CCNY: variants seen among roughly 807,000 people sequenced by gnomAD.
The protein encoded by CCNY is cyclin-Y.
CCNY carries 19 observed loss-of-function variants against 42.8 expected under a neutral mutation model. The ratio of observed to expected loss-of-function variants is 0.44; its 90% confidence interval spans 0.31 to 0.65. The LOEUF (loss-of-function observed/expected upper bound fraction) is 0.65, where lower values mean the gene tolerates loss of function less well. Ranked by LOEUF, CCNY falls within the 30% of genes least tolerant of loss-of-function variation. CCNY has a pLI of 0.07. For missense variants in CCNY, 370 were observed against 437.3 expected, an observed-to-expected ratio of 0.85 and a Z score of 1.37; for synonymous variants, 165 against 162.7, an observed-to-expected ratio of 1.01 and a Z score of -0.11.
intron 3 of CCNY, among the ~76,000 whole-genome samples, chr10:35,296,656 A>G (rs540607977): frequency 1.6e-4 from 24 of 152,308 alleles, no homozygotes; most frequent in African/African-American, 4.3e-4. Context: ...AATTACCACC[A>G]TCTGCACAGA....
At chr10:35,456,837 C>G (rs939483841) in intron 1 of CCNY, among the ~76,000 whole-genome samples, 2 of 152,102 alleles carry the variant, frequency 1.3e-5, no homozygotes, top group Non-Finnish European at 2.9e-5. Context: ...TGCAGATATG[C>G]CTGTGAACTT....
At chr10:35,436,414 C>T (rs1258101121) in intron 1 of CCNY, among the ~76,000 whole-genome samples, 1 of 152,152 alleles carries the variant, frequency 6.6e-6, no homozygotes, top group African/African-American at 2.4e-5. Flanking sequence ...TTTTCTGCTG[C>T]TGCTGGCTTT....
intron 3 of CCNY, among the ~76,000 whole-genome samples, chr10:35,285,464 A>G (rs916289933): frequency 2.0e-5 from 3 of 152,090 alleles, no homozygotes; most frequent in Non-Finnish European, 4.4e-5. Flanking sequence ...TTGCTCTGTC[A>G]CCCAGACTGG....
chr10:35,536,857 A>C (rs1840896592), intron 7 of CCNY, among the ~76,000 whole-genome samples: 1 of 152,184 alleles, frequency 6.6e-6, no homozygotes, highest in African/African-American at 2.4e-5. Context: ...TTGCAGCCTG[A>C]CAGTCTGATA....
chr10:35,567,564 C>T (rs1564461461), intron 9 of CCNY, among the ~76,000 whole-genome samples: 1 of 152,248 alleles, frequency 6.6e-6, no homozygotes, highest in Non-Finnish European at 1.5e-5. Flanking sequence ...GGTCTTCGTG[C>T]TGCCCACACC....
chr10:35,406,862 A>ACC lies in CCNY; in HGVS notation c.154+69663_154+69664dup, dbSNP rs1331279530. ...GGGCGGCTGGCCGGGCGGGGGGCTG[A>ACC]CCCCCCCCCACCTCCGTCCCCGTCG... On this transcript the variant is annotated intron_variant, in intron 1 of 9. Coordinates refer to ENST00000374704, the MANE Select transcript of CCNY (RefSeq NM_145012.6). Among the ~76,000 whole-genome samples the ACC allele has an allele frequency of 2.7e-3, 382 of 139,984 alleles. 6 individuals are homozygous for ACC. The highest frequency in any genetic ancestry group is 9.9e-3 in the African/African-American group (374 of 37,760). 91.8% of individuals were successfully genotyped at this position (139,984 alleles called of 152,430 possible).
chr10:35,372,519 G>C (rs1167735119), intron 1 of CCNY, among the ~76,000 whole-genome samples: 2 of 152,118 alleles, frequency 1.3e-5, no homozygotes, highest in African/African-American at 4.8e-5. Flanking sequence ...GGCCCTCTCA[G>C]ACTCTCTATT....
At chr10:35,550,704 C>T (rs1057144816) in intron 7 of CCNY, among the ~76,000 whole-genome samples, 2 of 152,154 alleles carry the variant, frequency 1.3e-5, no homozygotes, top group Admixed American at 1.3e-4. Context: ...GCAAACACAG[C>T]TTTGCCTTAG....
intron 2 of CCNY, among the ~76,000 whole-genome samples, chr10:35,484,841 T>C (rs1295189800): frequency 2.0e-5 from 3 of 152,236 alleles, no homozygotes; most frequent in Non-Finnish European, 4.4e-5. Context: ...ATTCAGAAGA[T>C]GTGCTAACAA....
chr10:35,395,526 C>G (rs1046141798), intron 1 of CCNY, among the ~76,000 whole-genome samples: 4 of 151,500 alleles, frequency 2.6e-5, no homozygotes, highest in Non-Finnish European at 4.4e-5. Context: ...TCAGATGTCA[C>G]CTGGGGGGTT....
At chr10:35,318,337 C>T (rs1386064026) in intron 3 of CCNY, among the ~76,000 whole-genome samples, 2 of 152,182 alleles carry the variant, frequency 1.3e-5, no homozygotes, top group African/African-American at 4.8e-5. Flanking sequence ...CAACTACCCA[C>T]CTACCCATGT....
chr10:35,557,150 A>G (rs1244989115), intron 8 of CCNY, among the ~76,000 whole-genome samples: 1 of 152,102 alleles, frequency 6.6e-6, no homozygotes, highest in African/African-American at 2.4e-5. Flanking sequence ...AAAGGATGTT[A>G]TTTGCAATAT....
chr10:35,252,126 C>T (rs112790780), intron 3 of CCNY, among the ~76,000 whole-genome samples: 6 of 152,242 alleles, frequency 3.9e-5, no homozygotes, highest in Non-Finnish European at 8.8e-5. Flanking sequence ...TGTCTATATT[C>T]ATTGCTTGAG....
chr10:35,378,733 C>T (rs957561556), intron 1 of CCNY, among the ~76,000 whole-genome samples: 4 of 152,054 alleles, frequency 2.6e-5, no homozygotes, highest in African/African-American at 9.7e-5. Context: ...CGATCCTTAC[C>T]ATGATCTTAC....
intron 1 of CCNY, among the ~76,000 whole-genome samples, chr10:35,425,212 C>T (rs1838240237): frequency 6.6e-6 from 1 of 152,234 alleles, no homozygotes; most frequent in African/African-American, 2.4e-5. Flanking sequence ...TTTCCCACAG[C>T]ACTTTGTGAT....
At chr10:35,404,065 G>C (rs960849069) in intron 1 of CCNY, among the ~76,000 whole-genome samples, 5 of 152,372 alleles carry the variant, frequency 3.3e-5, no homozygotes, top group Admixed American at 6.5e-5. Flanking sequence ...AACAAAGAGT[G>C]AGTACAGCTG....
chr10:35,522,709 G>C (rs1328459252), intron 4 of CCNY, among the ~76,000 whole-genome samples: 1 of 152,242 alleles, frequency 6.6e-6, no homozygotes, highest in African/African-American at 2.4e-5. Flanking sequence ...AGCACCCGAA[G>C]GATGATGGTT....
At chr10:35,461,760 G>A (rs1238685707) in intron 1 of CCNY, among the ~76,000 whole-genome samples, 1 of 152,112 alleles carries the variant, frequency 6.6e-6, no homozygotes, top group Non-Finnish European at 1.5e-5. Flanking sequence ...TATTATTCAT[G>A]GCAAAGTATG....
chr10:35,484,995 T>C lies in CCNY; in HGVS notation c.229+1517T>C, dbSNP rs114015980. Among the ~76,000 whole-genome samples, 1,070 of 152,338 alleles carry C rather than the reference T, an allele frequency of 7.0e-3. 11 individuals are homozygous for C. The highest frequency in any genetic ancestry group is 0.025 in the African/African-American group (1,020 of 41,574). On this transcript the variant is annotated intron_variant, in intron 2 of 9. Coordinates refer to ENST00000374704, the MANE Select transcript of CCNY (RefSeq NM_145012.6). ...TCCCTCGTCACCTTTGCACTAGATA[T>C]CATTCCCTTTCCTCTTCTGGAACAT... is the stretch of plus-strand genomic sequence containing the variant.
Sources: gnomAD v4.1 joint callset for allele counts (sites outside exome capture counted in the v4.1 genomes callset) on GRCh38, gnomAD v4.1.1 for gene constraint, MANE v1.5 for transcripts, NCBI Gene and HGNC (gene_info 2026-07-23, HGNC 2026-07-21) for gene names.